NDST4: variants seen among roughly 807,000 people sequenced by gnomAD.
NDST4 encodes the protein N-deacetylase and N-sulfotransferase 4.
Under a neutral mutation model 100.8 loss-of-function variants are expected in NDST4, and 63 were observed. The observed-to-expected ratio is 0.62, with a 90% confidence interval of 0.51 to 0.77. NDST4 has a LOEUF of 0.77. Among genes scored for constraint, NDST4 ranks in the 30% least tolerant of loss-of-function variants. NDST4 has a pLI of 0.00. For missense variants in NDST4, 943 were observed against 1,018.4 expected, an observed-to-expected ratio of 0.93 and a Z score of 1.01; for synonymous variants, 377 against 361.8, an observed-to-expected ratio of 1.04 and a Z score of -0.48.
intron 8 of NDST4, among the ~76,000 whole-genome samples, chr4:114,849,056 G>C (rs1723618304): frequency 6.6e-6 from 1 of 152,168 alleles, no homozygotes; most frequent in Non-Finnish European, 1.5e-5. Flanking sequence ...GTTGAAAGAA[G>C]AAGGCAGGAC....
chr4:115,083,849 C>T (rs906804080), intron 1 of NDST4, among the ~76,000 whole-genome samples: 2 of 152,140 alleles, frequency 1.3e-5, no homozygotes, highest in Admixed American at 6.6e-5. Context: ...CCATGAGGAA[C>T]TGCGAGTCAA....
chr4:114,987,063 C>T (rs1334998966), intron 2 of NDST4, among the ~76,000 whole-genome samples: 1 of 151,598 alleles, frequency 6.6e-6, no homozygotes, highest in Non-Finnish European at 1.5e-5. Context: ...AGAACTCAAG[C>T]TAGTTAGGAT....
intron 2 of NDST4, among the ~76,000 whole-genome samples, chr4:114,988,181 T>C (rs530620908): frequency 5.3e-5 from 8 of 151,910 alleles, no homozygotes; most frequent in Non-Finnish European, 8.8e-5. Flanking sequence ...TTAAAGCATC[T>C]TATTCTTGCT....
chr4:115,031,859 T>C (rs375991418), intron 2 of NDST4, among the ~76,000 whole-genome samples: 2 of 152,206 alleles, frequency 1.3e-5, no homozygotes, highest in East Asian at 1.9e-4. Context: ...TCTAATGCCA[T>C]GGTCTTCAAC....
intron 7 of NDST4, among the ~76,000 whole-genome samples, chr4:114,861,470 T>A (rs1202706687): frequency 1.3e-5 from 2 of 152,186 alleles, no homozygotes; most frequent in Admixed American, 6.6e-5. Flanking sequence ...CAAGATTAGT[T>A]AGGCAATTGG....
chr4:115,012,632 G>A (rs116135768), intron 2 of NDST4, among the ~76,000 whole-genome samples: 2,264 of 152,000 alleles, frequency 0.015, 65 homozygotes, highest in African/African-American at 0.051. Context: ...GAAATTTGGA[G>A]GTTCCCCAAA....
chr4:114,875,906 T>C (rs910273386), intron 6 of NDST4, among the ~76,000 whole-genome samples: 3 of 152,214 alleles, frequency 2.0e-5, no homozygotes, highest in Admixed American at 6.5e-5. Context: ...ATCATGAATA[T>C]CAGTAGCCAG....
In NDST4 at chr4:115,067,516, GT is replaced by G. The variant is rs567483506; in HGVS notation, c.978+8542del. 1.5e-3 allele frequency among the ~76,000 whole-genome samples: 220 copies of G among 148,930 alleles called. 1 individual carries two copies. The highest frequency in any genetic ancestry group is 8.6e-4 in the African/African-American group (35 of 40,748). On this transcript the variant is annotated intron_variant, in intron 2 of 13. Transcript: ENST00000264363. ...AAGACACAAACTTAGTAATATTGAG[GT>G]TTTTTTTTTCTTTCTCATTCAACCC... is the stretch of plus-strand genomic sequence containing the variant.
chr4:114,940,087 G>C (rs1282485340), intron 4 of NDST4, among the ~76,000 whole-genome samples: 1 of 152,128 alleles, frequency 6.6e-6, no homozygotes, highest in Non-Finnish European at 1.5e-5. Flanking sequence ...GTAAATATAG[G>C]AAGCACTTGA....
At chr4:114,925,621 C>T (rs1725371761) in intron 6 of NDST4, among the ~76,000 whole-genome samples, 1 of 152,124 alleles carries the variant, frequency 6.6e-6, no homozygotes, top group Non-Finnish European at 1.5e-5. Context: ...TTCCATTATA[C>T]TCTACTGTCA....
chr4:114,866,242 T>C (rs1032536122), intron 7 of NDST4, among the ~76,000 whole-genome samples: 2 of 152,240 alleles, frequency 1.3e-5, no homozygotes, highest in Non-Finnish European at 2.9e-5. Context: ...GAAGCTCTTC[T>C]GGGCTTCCCT....
At position 114,875,908 on chromosome 4, in the gene NDST4, A is replaced by C. The variant is rs116510823; in HGVS notation, c.1537-4958T>G. Among the ~76,000 whole-genome samples, 511 of 152,322 alleles carry C rather than the reference A, an allele frequency of 3.4e-3. 8 individuals are homozygous for C. Among genetic ancestry groups the C allele is most frequent in the African/African-American group, 0.012 (490 of 41,574 alleles). On this transcript the variant is annotated intron_variant, in intron 6 of 13. Coordinates refer to ENST00000264363, the MANE Select transcript of NDST4 (RefSeq NM_022569.3). ...TGTAAACTGTATGATCATGAATATCAGTAGCCAGAATATATTATACAGCAT... is the reference window on the plus strand; with the variant it reads ...TGTAAACTGTATGATCATGAATATCCGTAGCCAGAATATATTATACAGCAT...
At chr4:115,087,569 G>A (rs1456489027) in intron 1 of NDST4, among the ~76,000 whole-genome samples, 1 of 151,750 alleles carries the variant, frequency 6.6e-6, no homozygotes, top group Non-Finnish European at 1.5e-5. Flanking sequence ...TTATGCTAAT[G>A]GAGTTCATGT....
chr4:114,955,397 A>G, intron 4 of NDST4, among the ~76,000 whole-genome samples: 1 of 152,204 alleles, frequency 6.6e-6, no homozygotes, highest in African/African-American at 2.4e-5. Flanking sequence ...GGGAGCTTAC[A>G]GCATGTGAAA....
Position 115,061,129 on chromosome 4 carries a change from A to T in NDST4, c.978+14930T>A, listed in dbSNP as rs548775871. Among the ~76,000 whole-genome samples the T allele has an allele frequency of 2.0e-5, 3 of 152,108 alleles. No homozygotes were observed. In the South Asian group the frequency reaches 6.2e-4, roughly 32 times the overall value. ...CAAAACCACAATGAGATATCCTCTC[A>T]TGCCAGTTAGAATGGCGAAATAGGA... On this transcript the variant is annotated intron_variant, in intron 2 of 13. Coordinates refer to ENST00000264363, the MANE Select transcript of NDST4 (RefSeq NM_022569.3).
intron 2 of NDST4, among the ~76,000 whole-genome samples, chr4:115,001,261 C>T (rs1013960035): frequency 6.6e-6 from 1 of 151,780 alleles, no homozygotes; most frequent in African/African-American, 2.4e-5. Context: ...TTATGGCTTG[C>T]CTTGCCTTGA....
intron 1 of NDST4, among the ~76,000 whole-genome samples, chr4:115,099,035 G>C (rs1729676994): frequency 6.6e-6 from 1 of 152,098 alleles, no homozygotes; most frequent in African/African-American, 2.4e-5. Context: ...AAAGAACAAA[G>C]GTAATGCAAT....
intron 11 of NDST4, among the ~76,000 whole-genome samples, chr4:114,838,805 T>A (rs1723359305): frequency 9.1e-6 from 1 of 110,008 alleles, no homozygotes; most frequent in African/African-American, 5.1e-5. Flanking sequence ...AGCCCAGAAC[T>A]TTTTTTTTTT....
chr4:114,948,536 T>A (rs1227709640), intron 4 of NDST4, among the ~76,000 whole-genome samples: 4 of 152,114 alleles, frequency 2.6e-5, no homozygotes, highest in African/African-American at 9.7e-5. Flanking sequence ...GTAGACATGT[T>A]CACACATTTC....
Sources: gnomAD v4.1 joint callset for allele counts (sites outside exome capture counted in the v4.1 genomes callset) on GRCh38, gnomAD v4.1.1 for gene constraint, MANE v1.5 for transcripts, NCBI Gene and HGNC (gene_info 2026-07-23, HGNC 2026-07-21) for gene names.